The following MICAL3 variants were observed in gnomAD, a reference collection of about 807,000 sequenced individuals.
MICAL3 encodes [F-actin]-monooxygenase MICAL3.
MICAL3 carries 62 observed loss-of-function variants against 207.4 expected under a neutral mutation model. The ratio of observed to expected loss-of-function variants is 0.30; its 90% CI spans 0.24 to 0.37. The LOEUF is 0.37. Among genes scored for constraint, MICAL3 ranks in the 10% least tolerant of loss-of-function variants. MICAL3 has a pLI of 1.00. For synonymous variants in MICAL3, 1,077 were observed against 1,069.3 expected (o/e 1.01, Z -0.14); for missense variants, 2,368 against 2,635.6 (o/e 0.90, Z 2.22).
rs1326263279 is a variant in MICAL3, at chr22:17,904,746, C to T, written c.358G>A (p.Ala120Thr). ...TGCAAGACGTTGTTGCGGGAGAAGG[C>T]ATCTCGTTTCTCAATAACAACCACC... is the stretch of plus-strand genomic sequence containing the variant. ...AKVVVIEKRD[A>T]FSRNNVLHLW... is the part of the protein sequence containing the mutation. Residue 120 changes from alanine (A) to threonine (T), a missense_variant, in exon 3 of 32, where the codon GCC becomes ACC. Physicochemically the swap from Ala to Thr is moderately conservative, Grantham distance 58. Transcript: ENST00000441493. 1 of 1,613,836 alleles carries T rather than the reference C, an allele frequency of 6.2e-7. No individual in the cohort carries two copies. Among genetic ancestry groups the T allele is most frequent in the East Asian group, 2.2e-5 (1 of 44,880 alleles).
At chr22:17,817,184 G>C (rs1921084149) in intron 26 of MICAL3, 127 bp downstream of exon 26, 1 of 1,205,670 alleles carries the variant, frequency 8.3e-7, no homozygotes, top group South Asian at 1.6e-5. Flanking sequence ...CCCTTCTCCA[G>C]GTCAGCACGG....
Position 17,938,178 on chromosome 22 carries a change from T to A in MICAL3, c.-74-31292A>T, listed in dbSNP as rs76640596. On this transcript the variant is annotated intron_variant, in intron 1 of 31. Transcript: ENST00000441493. ...ACTGCACAGATGAGAAAACTCAGGA[T>A]AACAGGGTAATTAAGTTGGCCAGCT... is the stretch of plus-strand genomic sequence containing the variant. Among the ~76,000 whole-genome samples, 693 of 152,280 alleles carry A rather than the reference T, an allele frequency of 4.6e-3. 4 individuals carry two copies. Among genetic ancestry groups the A allele is most frequent in the Non-Finnish European group, 7.2e-3 (491 of 68,020 alleles).
In MICAL3 at chr22:17,987,373, G is replaced by A. The variant is rs144817261; in HGVS notation, c.-75+36908C>T. ...CTGTTCAGGAGATGGCCTTCCTCCT[G>A]GAGGCAGCAGGGACTGGCAGGAGCT... is the stretch of plus-strand genomic sequence containing the variant. On this transcript the variant is annotated intron_variant, in intron 1 of 31. Transcript: ENST00000441493. Among the ~76,000 whole-genome samples the A allele has an allele frequency of 3.7e-3, 558 of 152,372 alleles. 3 individuals are homozygous for A. Among genetic ancestry groups the A allele is most frequent in the African/African-American group, 0.012 (518 of 41,592 alleles).
At chr22:17,878,930 C>T (rs748531770) in intron 16 of MICAL3, among the ~76,000 whole-genome samples, 1 of 152,148 alleles carries the variant, frequency 6.6e-6, no homozygotes, top group African/African-American at 2.4e-5. Flanking sequence ...CTTCAAGATC[C>T]GTGACTGCTG....
chr22:17,817,444 C>T lies in MICAL3; in HGVS notation c.5217G>A (p.Leu1739=). 4.3e-6 allele frequency: 7 copies of T among 1,613,748 alleles called. No individual in the cohort carries two copies. Among genetic ancestry groups the T allele is most frequent in the Non-Finnish European group, 5.9e-6 (7 of 1,179,882 alleles). Residue 1739 remains leucine, a synonymous_variant, in exon 26 of 32, where the codon CTG becomes CTA. Coordinates refer to ENST00000441493, the MANE Select transcript of MICAL3 (RefSeq NM_015241.3). ...LEEAAAKPKS[L]WKSVFSGYKK... is the part of the protein sequence containing the mutation. ...TGTACCCGGAGAAGACGGACTTCCA[C>T]AGGGACTTGGGTTTGGCGGCGGCTT...
chr22:17,871,905 C>T lies in MICAL3; in HGVS notation c.2360G>A (p.Ser787Asn). The T allele has an allele frequency of 6.2e-7, 1 of 1,611,684 alleles. No individual in the cohort carries two copies. Among genetic ancestry groups the T allele is most frequent in the African/African-American group, 1.3e-5 (1 of 75,044 alleles). The change falls in exon 17 of 32, where the codon AGC (serine) becomes AAC (asparagine). Residue 787 changes from serine to asparagine, a missense_variant. Ser to Asn is a conservative substitution (Grantham distance 46, BLOSUM62 1). This residue lies in a region of MICAL3 where 1,770 missense variants were observed against 1,863.2 expected (regional missense o/e 0.95). Coordinates refer to ENST00000441493, the MANE Select transcript of MICAL3 (RefSeq NM_015241.3). ...GGCGCAGTACTCGCACTTGAAGCAG[C>T]TCCGGTGGAAGAACTTGCCCTCGGC... Reference protein sequence around the residue: ...LSAEGKFFHRSCFKCEYCATT... With the variant: ...LSAEGKFFHRNCFKCEYCATT...
chr22:17,911,821 G>C lies in MICAL3; in HGVS notation c.-74-4935C>G, dbSNP rs528863451. On this transcript the variant is annotated intron_variant, in intron 1 of 31. Transcript: ENST00000441493. ...CACTCCAGCCTGGGAAACAGAGCAA[G>C]ATCCTGTCTCAAAAACCAAAAAAAG... Among the ~76,000 whole-genome samples, 3 of 89,236 alleles carry C rather than the reference G, an allele frequency of 3.4e-5. No homozygotes were observed. In the East Asian group the frequency reaches 6.5e-4, roughly 19 times the overall value. The allele number at this position is 89,236 out of a possible 152,430, so 58.5% of individuals were successfully genotyped here. A position where few individuals can be genotyped will look rare whatever the true frequency, so the allele number is the denominator to read the frequency against.
intron 29 of MICAL3, among the ~76,000 whole-genome samples, chr22:17,807,092 G>C (rs930598521): frequency 1.3e-5 from 2 of 152,220 alleles, no homozygotes; most frequent in African/African-American, 4.8e-5. Flanking sequence ...CATGAAATGC[G>C]GTTATTCTGT....
At chr22:17,988,124 C>T (rs1003043978) in intron 1 of MICAL3, among the ~76,000 whole-genome samples, 6 of 152,080 alleles carry the variant, frequency 3.9e-5, no homozygotes, top group African/African-American at 9.7e-5. Context: ...TGCGAGCATC[C>T]GATATCTCTT....
chr22:17,894,373 G>A (rs1260684372), intron 10 of MICAL3, among the ~76,000 whole-genome samples: 1 of 144,992 alleles, frequency 6.9e-6, no homozygotes, highest in Admixed American at 7.0e-5. Context: ...GAGAGCCTGG[G>A]CAACAAAGCA....
chr22:17,836,341 C>CG (rs768727841), intron 20 of MICAL3, among the ~76,000 whole-genome samples: 5 of 152,150 alleles, frequency 3.3e-5, no homozygotes, highest in African/African-American at 4.8e-5. Context: ...CTCTAGGTCA[C>CG]GGGGCTGCGC....
At chr22:17,801,405 G>A (rs1405205469) in intron 29 of MICAL3, among the ~76,000 whole-genome samples, 2 of 49,720 alleles carry the variant, frequency 4.0e-5, no homozygotes, top group Non-Finnish European at 6.6e-5. Flanking sequence ...CGCCCGCCTC[G>A]GCCTCCCAAA....
At chr22:17,887,569 C>G (rs897059551) in intron 13 of MICAL3, 134 bp from the exon 14 acceptor site, 60 of 599,806 alleles carry the variant, frequency 1.0e-4, no homozygotes, top group Non-Finnish European at 1.5e-4. Context: ...CCAGGACAAG[C>G]ATGTGGTCTC....
At chr22:17,863,348 G>A (rs768255405) in intron 19 of MICAL3, 2 of 985,336 alleles carry the variant, frequency 2.0e-6, no homozygotes, top group Non-Finnish European at 2.4e-6. Context: ...ATAGGGCCCA[G>A]ACTAATAAGG....
intron 1 of MICAL3, among the ~76,000 whole-genome samples, chr22:17,937,936 A>G (rs1933617280): frequency 6.6e-6 from 1 of 152,242 alleles, no homozygotes; most frequent in Non-Finnish European, 1.5e-5. Flanking sequence ...GCAAACAGTT[A>G]TATTTCAAGG....
chr22:17,831,705 C>G, intron 21 of MICAL3, 149 bp downstream of exon 21: 1 of 1,314,310 alleles, frequency 7.6e-7, no homozygotes, highest in Non-Finnish European at 1.0e-6. Flanking sequence ...CCCCTCTGCC[C>G]CCCATGTCTT....
intron 1 of MICAL3, among the ~76,000 whole-genome samples, chr22:17,918,224 T>G (rs1205530335): frequency 6.6e-6 from 1 of 151,996 alleles, no homozygotes; most frequent in Non-Finnish European, 1.5e-5. Flanking sequence ...GAGGCTGCAG[T>G]GAGCTACGAT....
intron 16 of MICAL3, chr22:17,881,344 A>G: frequency 6.6e-7 from 1 of 1,511,724 alleles, no homozygotes; most frequent in Non-Finnish European, 9.1e-7. Flanking sequence ...ACATCATTCA[A>G]ACAGTGGCCA....
chr22:17,984,545 C>A (rs1297687920), intron 1 of MICAL3, among the ~76,000 whole-genome samples: 1 of 151,136 alleles, frequency 6.6e-6, no homozygotes, highest in Non-Finnish European at 1.5e-5. Flanking sequence ...CCCCCCACCC[C>A]CCACGCCCCA....
Sources: gnomAD v4.1 joint callset for allele counts (sites outside exome capture counted in the v4.1 genomes callset) on GRCh38, gnomAD v4.1.1 for gene constraint, gnomAD v4.1.1 regional missense constraint, MANE v1.5 for transcripts, NCBI Gene and HGNC (gene_info 2026-07-23, HGNC 2026-07-21) for gene names.